RBFOX1: variants seen among roughly 807,000 people sequenced by gnomAD.
RBFOX1 encodes RNA binding protein fox-1 homolog 1.
Under a neutral mutation model 57.7 loss-of-function variants are expected in RBFOX1, and 8 were observed. The ratio of observed to expected loss-of-function variants is 0.14; its 90% CI spans 0.08 to 0.25. RBFOX1 has a LOEUF of 0.25. Ranked by LOEUF, RBFOX1 falls within the 10% of genes least tolerant of loss-of-function variation. RBFOX1 has a pLI of 1.00. For missense variants in RBFOX1, 611 were observed against 548.5 expected (o/e 1.11, Z -1.14); for synonymous variants, 326 against 222.4 (o/e 1.47, Z -4.15).
chr16:6,907,382 T>C (rs7201048), intron 3 of RBFOX1, among the ~76,000 whole-genome samples: 45,300 of 152,010 alleles, frequency 0.3, 7,919 homozygotes, highest in African/African-American at 0.49. Context: ...GGTATCCATG[T>C]ATTGGTTTTC....
At chr16:6,968,799 A>C (rs1388999140) in intron 3 of RBFOX1, among the ~76,000 whole-genome samples, 5 of 151,800 alleles carry the variant, frequency 3.3e-5, no homozygotes, top group Admixed American at 6.6e-5. Context: ...TTAGCTCAGA[A>C]TGTATTAATC....
intron 4 of RBFOX1, among the ~76,000 whole-genome samples, chr16:7,323,908 A>C (rs981931014): frequency 6.7e-6 from 1 of 149,978 alleles, no homozygotes; most frequent in Non-Finnish European, 1.5e-5. Context: ...TGATGAGTGG[A>C]TGGGTGGGTA....
At chr16:7,353,773 A>T (rs1480366625) in intron 4 of RBFOX1, among the ~76,000 whole-genome samples, 1 of 152,180 alleles carries the variant, frequency 6.6e-6, no homozygotes. Context: ...TAGTAGCTTA[A>T]AGTAGATTAA....
intron 3 of RBFOX1, among the ~76,000 whole-genome samples, chr16:6,920,868 T>C (rs2074306862): frequency 6.6e-6 from 1 of 152,234 alleles, no homozygotes; most frequent in African/African-American, 2.4e-5. Context: ...AAAAGCTTTA[T>C]TTCCAAATAG....
intron 4 of RBFOX1, among the ~76,000 whole-genome samples, chr16:7,264,963 G>C (rs4265816): frequency 0.52 from 79,832 of 152,076 alleles, 21,515 homozygotes; most frequent in African/African-American, 0.63. Context: ...ATGACTCAAT[G>C]CCACCAAGCA....
chr16:6,866,786 C>T (rs1466076379), intron 3 of RBFOX1, among the ~76,000 whole-genome samples: 3 of 151,910 alleles, frequency 2.0e-5, no homozygotes, highest in Non-Finnish European at 4.4e-5. Flanking sequence ...TCGTGATCTG[C>T]CTGCCTTGGC....
chr16:5,879,808 T>G (rs974043375), intron 4 of RBFOX1, among the ~76,000 whole-genome samples: 13 of 152,176 alleles, frequency 8.5e-5, no homozygotes, highest in African/African-American at 3.1e-4. Context: ...TGCTTCTCTC[T>G]TGTGGCTTCT....
intron 14 of RBFOX1, among the ~76,000 whole-genome samples, 196 bp from the exon 15 acceptor site, chr16:7,708,860 G>A (rs544939587): frequency 6.6e-6 from 1 of 152,076 alleles, no homozygotes; most frequent in African/African-American, 2.4e-5. Flanking sequence ...CATAGCAATA[G>A]CAACCATGTT....
chr16:6,901,941 T>C (rs745376500), intron 3 of RBFOX1, among the ~76,000 whole-genome samples: 1 of 152,170 alleles, frequency 6.6e-6, no homozygotes, highest in Non-Finnish European at 1.5e-5. Flanking sequence ...TTTTTTCATG[T>C]CAGAAAAATG....
At chr16:6,433,803 A>T (rs964313262) in intron 2 of RBFOX1, among the ~76,000 whole-genome samples, 2 of 148,378 alleles carry the variant, frequency 1.3e-5, no homozygotes, top group Non-Finnish European at 3.0e-5. Context: ...CTGCTCCATC[A>T]TCACACCTCC....
downstream of RBFOX1, among the ~76,000 whole-genome samples, chr16:5,601,863 G>A (rs2151210962): frequency 6.6e-6 from 1 of 152,334 alleles, no homozygotes; most frequent in East Asian, 1.9e-4. Context: ...TTAGAATAGT[G>A]CCTATGCCTG....
chr16:6,142,991 G>A (rs2096730467), intron 1 of RBFOX1, among the ~76,000 whole-genome samples: 1 of 152,134 alleles, frequency 6.6e-6, no homozygotes, highest in Admixed American at 6.5e-5. Flanking sequence ...CAGCTCCTGA[G>A]CAAGGTAATA....
intron 1 of RBFOX1, among the ~76,000 whole-genome samples, chr16:5,401,016 G>A (rs1327486729): frequency 6.6e-6 from 1 of 152,052 alleles, no homozygotes; most frequent in African/African-American, 2.4e-5. Context: ...ATTTTCCAGG[G>A]TTGTCATTTG....
At chr16:7,148,535 C>T (rs2075489913) in intron 4 of RBFOX1, among the ~76,000 whole-genome samples, 2 of 152,206 alleles carry the variant, frequency 1.3e-5, no homozygotes, top group South Asian at 4.1e-4. Context: ...GGCCGCAGTG[C>T]CGAGTTCCCT....
chr16:6,968,992 T>C (rs547809340), intron 3 of RBFOX1, among the ~76,000 whole-genome samples: 21 of 152,192 alleles, frequency 1.4e-4, no homozygotes, highest in South Asian at 6.2e-4. Flanking sequence ...AAGGAAGATA[T>C]CTGAGCAAAG....
At chr16:6,514,432 C>G (rs2096328166) in intron 2 of RBFOX1, among the ~76,000 whole-genome samples, 1 of 152,116 alleles carries the variant, frequency 6.6e-6, no homozygotes, top group East Asian at 1.9e-4. Context: ...CTTTAAGTGC[C>G]AGGTTTAGTC....
intron 4 of RBFOX1, among the ~76,000 whole-genome samples, chr16:5,954,785 C>G (rs747709159): frequency 1.3e-5 from 2 of 152,158 alleles, no homozygotes; most frequent in African/African-American, 4.8e-5. Flanking sequence ...CTTCCTTCCT[C>G]CCCTTCCTGC....
At chr16:6,087,193 C>T (rs2096099308) in intron 1 of RBFOX1, among the ~76,000 whole-genome samples, 2 of 152,170 alleles carry the variant, frequency 1.3e-5, no homozygotes, top group Non-Finnish European at 2.9e-5. Flanking sequence ...GTTAGAACGC[C>T]TGCCAGGTGA....
chr16:6,501,960 T>G (rs1246304932), intron 2 of RBFOX1, among the ~76,000 whole-genome samples: 2 of 152,154 alleles, frequency 1.3e-5, no homozygotes, highest in African/African-American at 4.8e-5. Flanking sequence ...ATAGATAAGA[T>G]TTCTGCTTTT....
Sources: gnomAD v4.1 joint callset for allele counts (sites outside exome capture counted in the v4.1 genomes callset) on GRCh38, gnomAD v4.1.1 for gene constraint, MANE v1.5 for transcripts, NCBI Gene and HGNC (gene_info 2026-07-23, HGNC 2026-07-21) for gene names.